RHBDL3: variants seen among roughly 807,000 people sequenced by gnomAD.
The protein encoded by RHBDL3 is rhomboid like 3.
A neutral mutation model predicts 48.2 loss-of-function variants in RHBDL3; 28 were observed. That is an observed-to-expected ratio of 0.58 (90% CI 0.43 to 0.80). RHBDL3 has a LOEUF of 0.80. Ranked by LOEUF, RHBDL3 falls within the 30% of genes least tolerant of loss-of-function variation. The pLI, the probability that RHBDL3 is intolerant of heterozygous loss-of-function variation, is 0.00. For missense variants in RHBDL3, 464 were observed against 542.7 expected (o/e 0.85, Z 1.44); for synonymous variants, 208 against 232.3 (o/e 0.90, Z 0.95).
intron 2 of RHBDL3, among the ~76,000 whole-genome samples, chr17:32,282,659 G>A (rs569836079): frequency 6.6e-6 from 1 of 152,204 alleles, no homozygotes; most frequent in South Asian, 2.1e-4. Context: ...GTCTCACTCT[G>A]TAGCCCAGGC....
intron 4 of RHBDL3, among the ~76,000 whole-genome samples, chr17:32,293,266 C>G (rs985408443): frequency 6.6e-6 from 1 of 152,002 alleles, no homozygotes; most frequent in African/African-American, 2.4e-5. Flanking sequence ...AGCGCAGCAA[C>G]ATGAATGTCA....
Position 32,298,128 on chromosome 17 carries a change from G to A in RHBDL3, c.705G>A (p.Leu235=). Residue 235 remains leucine, a synonymous_variant, in exon 6 of 9, where the codon CTG becomes CTA. Transcript: ENST00000269051. ...TGGGACTCAATGTGGTGCTGCAGCT[G>A]CTGGTGGGGGTGCCCCTGGAGATGG... ...EHLGLNVVLQ[L]LVGVPLEMVH... 2 of 1,614,088 alleles carry A rather than the reference G, an allele frequency of 1.2e-6. No homozygotes were observed. Among genetic ancestry groups the A allele is most frequent in the Non-Finnish European group, 1.7e-6 (2 of 1,179,920 alleles).
chr17:32,287,548 G>A (rs2040226677), intron 3 of RHBDL3, among the ~76,000 whole-genome samples: 1 of 152,190 alleles, frequency 6.6e-6, no homozygotes, highest in African/African-American at 2.4e-5. Context: ...TCAGGAATGT[G>A]AGGTGGGGGG....
At chr17:32,308,083 T>C (rs1376905289) in intron 7 of RHBDL3, among the ~76,000 whole-genome samples, 2 of 152,162 alleles carry the variant, frequency 1.3e-5, no homozygotes, top group African/African-American at 2.4e-5. Flanking sequence ...TGAAGGACCA[T>C]GGAGTAGGGC....
At chr17:32,267,446 G>GGC (rs2039664973) in intron 1 of RHBDL3, among the ~76,000 whole-genome samples, 1 of 151,464 alleles carries the variant, frequency 6.6e-6, no homozygotes. Flanking sequence ...GGGAGGGGGG[G>GGC]GCTCTAGCTC....
rs1191303372 is a variant in RHBDL3 at position 32,276,878 on chromosome 17, GCGGCCCTAGCACCTTACTC to G, written c.136-7760_136-7742del. ...CTTACTCCGGCCCTAGCACAGTACT[GCGGCCCTAGCACCTTACTC>G]CGGCCCTAGCACCTTACTCCAGCCC... On this transcript the variant is annotated intron_variant, in intron 2 of 8. Coordinates refer to ENST00000269051, the MANE Select transcript of RHBDL3 (RefSeq NM_138328.3). Among the ~76,000 whole-genome samples the G allele has an allele frequency of 1.1e-3, 20 of 18,568 alleles. 1 individual carries two copies. The highest frequency in any genetic ancestry group is 1.7e-3 in the African/African-American group (3 of 1,736). The allele number at this position is 18,568 out of a possible 152,430, so 12.2% of individuals were successfully genotyped here.
At chr17:32,281,264 C>T (rs904194180) in intron 2 of RHBDL3, among the ~76,000 whole-genome samples, 2 of 152,104 alleles carry the variant, frequency 1.3e-5, no homozygotes. Flanking sequence ...CAGCAGGGAG[C>T]ACTGGAGGGG....
At chr17:32,278,533 T>C (rs2039966749) in intron 2 of RHBDL3, among the ~76,000 whole-genome samples, 2 of 152,208 alleles carry the variant, frequency 1.3e-5, no homozygotes. Flanking sequence ...TTAGTGAATA[T>C]GTGTTAGGTG....
chr17:32,312,875 T>C (rs1016649621), intron 7 of RHBDL3, among the ~76,000 whole-genome samples: 8 of 151,966 alleles, frequency 5.3e-5, no homozygotes, highest in Middle Eastern at 3.2e-3. Flanking sequence ...GCTGGTGCAA[T>C]TTCAGCTCAC....
At chr17:32,286,169 C>T (rs1364093510) in intron 3 of RHBDL3, among the ~76,000 whole-genome samples, 1 of 152,194 alleles carries the variant, frequency 6.6e-6, no homozygotes, top group Non-Finnish European at 1.5e-5. Flanking sequence ...CCTGCCCAGG[C>T]TCATCCACAG....
At chr17:32,316,539 G>A (rs1263173434) in intron 8 of RHBDL3, among the ~76,000 whole-genome samples, 3 of 151,856 alleles carry the variant, frequency 2.0e-5, no homozygotes, top group Non-Finnish European at 4.4e-5. Flanking sequence ...TTGAGACAGG[G>A]TGTCTCCCTG....
At chr17:32,318,773 T>G (rs2150759346) in intron 8 of RHBDL3, among the ~76,000 whole-genome samples, 1 of 152,130 alleles carries the variant, frequency 6.6e-6, no homozygotes, top group Non-Finnish European at 1.5e-5. Context: ...TGAACAAACC[T>G]GGGATGGAGG....
intron 2 of RHBDL3, among the ~76,000 whole-genome samples, chr17:32,270,230 A>G (rs1447117119): frequency 2.0e-5 from 3 of 151,462 alleles, no homozygotes; most frequent in Non-Finnish European, 4.4e-5. Flanking sequence ...CCCTGTAAGC[A>G]CAAGTGACTC....
intron 2 of RHBDL3, among the ~76,000 whole-genome samples, chr17:32,271,439 AG>A (rs1341547772): frequency 6.6e-6 from 1 of 152,168 alleles, no homozygotes; most frequent in East Asian, 1.9e-4. Context: ...GTTTCTGAAA[AG>A]CTTCCCTTTT....
At position 32,310,883 on chromosome 17, in the gene RHBDL3, C is replaced by CAAAAAAAA. The variant is rs11348841; in HGVS notation, c.883-5336_883-5329dup. 6.1e-4 allele frequency among the ~76,000 whole-genome samples: 34 copies of CAAAAAAAA among 55,514 alleles called. 1 individual carries two copies. Among genetic ancestry groups the CAAAAAAAA allele is most frequent in the African/African-American group, 1.0e-3 (16 of 15,910 alleles). The allele number at this position is 55,514 out of a possible 152,430, so 36.4% of individuals were successfully genotyped here. ...TGGGCGACAGAGTCAGGCTCCATCT[C>CAAAAAAAA]AAAAAAAAAAAAAAAAAAAAGGTTT... On this transcript the variant is annotated intron_variant, in intron 7 of 8. Coordinates refer to ENST00000269051, the MANE Select transcript of RHBDL3 (RefSeq NM_138328.3).
At position 32,299,912 on chromosome 17, in the gene RHBDL3, T is replaced by C. The variant is rs143387056; in HGVS notation, c.781+1708T>C. 2.0e-5 allele frequency among the ~76,000 whole-genome samples: 3 copies of C among 152,354 alleles called. No individual in the cohort carries two copies. In the East Asian group the frequency reaches 5.8e-4, roughly 29 times the overall value. On this transcript the variant is annotated intron_variant, in intron 6 of 8. Coordinates refer to ENST00000269051, the MANE Select transcript of RHBDL3 (RefSeq NM_138328.3). Reference sequence around the variant, plus strand: ...ATGATTGAGTTGATTGATCTGTCTCTGCTGTCTACCCTTTCCTGTCCTCCC... The same window carrying C: ...ATGATTGAGTTGATTGATCTGTCTCCGCTGTCTACCCTTTCCTGTCCTCCC...
At chr17:32,285,001 C>T (rs916477090) in intron 3 of RHBDL3, among the ~76,000 whole-genome samples, 184 bp downstream of exon 3, 6 of 152,218 alleles carry the variant, frequency 3.9e-5, no homozygotes, top group Admixed American at 6.5e-5. Context: ...CTCTGCCCTC[C>T]GCAGTGTCAG....
At chr17:32,312,872 C>T (rs533761044) in intron 7 of RHBDL3, among the ~76,000 whole-genome samples, 1 of 152,146 alleles carries the variant, frequency 6.6e-6, no homozygotes, top group Admixed American at 6.5e-5. Context: ...TGTGCTGGTG[C>T]AATTTCAGCT....
chr17:32,310,336 C>G (rs1310827841), intron 7 of RHBDL3, among the ~76,000 whole-genome samples: 1 of 150,656 alleles, frequency 6.6e-6, no homozygotes, highest in Non-Finnish European at 1.5e-5. Context: ...AATCCCTGCA[C>G]TTTGGGAGGC....
Sources: gnomAD v4.1 joint callset for allele counts (sites outside exome capture counted in the v4.1 genomes callset) on GRCh38, gnomAD v4.1.1 for gene constraint, MANE v1.5 for transcripts, NCBI Gene and HGNC (gene_info 2026-07-23, HGNC 2026-07-21) for gene names.